Variants in KCNIP4 observed in about 807,000 individuals in gnomAD.
KCNIP4 encodes Kv channel-interacting protein 4.
Under a neutral mutation model 34.0 loss-of-function variants are expected in KCNIP4, and 12 were observed. The ratio of observed to expected loss-of-function variants is 0.35; its 90% CI spans 0.23 to 0.57. KCNIP4 has a LOEUF of 0.57. Ranked by LOEUF, KCNIP4 falls within the 20% of genes least tolerant of loss-of-function variation. The pLI is 0.83. For missense variants in KCNIP4, 238 were observed against 311.7 expected, an observed-to-expected ratio of 0.76 and a Z score of 1.78; for synonymous variants, 124 against 102.2, an observed-to-expected ratio of 1.21 and a Z score of -1.29.
chr4:21,313,253 C>A (rs917966083), intron 1 of KCNIP4, among the ~76,000 whole-genome samples: 1 of 152,136 alleles, frequency 6.6e-6, no homozygotes, highest in Admixed American at 6.5e-5. Context: ...GTTGTGGATA[C>A]ATATTTAGCC....
intron 1 of KCNIP4, among the ~76,000 whole-genome samples, chr4:21,066,750 A>G (rs1577629378): frequency 6.6e-6 from 1 of 152,294 alleles, no homozygotes; most frequent in East Asian, 1.9e-4. Context: ...CATGAGTTTC[A>G]GCAAGCCCTG....
intron 1 of KCNIP4, among the ~76,000 whole-genome samples, chr4:21,285,118 TA>T (rs1414893615): frequency 6.6e-6 from 1 of 152,172 alleles, no homozygotes; most frequent in African/African-American, 2.4e-5. Flanking sequence ...AATTAAATAT[TA>T]ATGCAAACTA....
chr4:21,623,968 G>A (rs968438571), intron 1 of KCNIP4, among the ~76,000 whole-genome samples: 2 of 151,514 alleles, frequency 1.3e-5, no homozygotes, highest in African/African-American at 2.4e-5. Context: ...AAAGCAGGGT[G>A]GGTGATGGTG....
intron 1 of KCNIP4, among the ~76,000 whole-genome samples, chr4:21,678,623 T>C (rs1375254836): frequency 6.6e-6 from 1 of 152,230 alleles, no homozygotes; most frequent in Non-Finnish European, 1.5e-5. Context: ...TTTCTGCTTC[T>C]TGAACACATG....
chr4:20,741,538 C>T (rs4414951), intron 5 of KCNIP4, among the ~76,000 whole-genome samples: 50,018 of 152,040 alleles, frequency 0.33, 8,750 homozygotes, highest in African/African-American at 0.43. Context: ...AAAGACACAA[C>T]GTACCAGAAT....
At chr4:21,326,332 C>T (rs189126957) in intron 1 of KCNIP4, among the ~76,000 whole-genome samples, 1 of 151,198 alleles carries the variant, frequency 6.6e-6, no homozygotes, top group Non-Finnish European at 1.5e-5. Context: ...ATTTGTTATA[C>T]CCCCTTGCTG....
Position 21,726,909 on chromosome 4 carries a change from A to G in KCNIP4, c.61+221662T>C, listed in dbSNP as rs575817474. Among the ~76,000 whole-genome samples, 3 of 152,274 alleles carry G rather than the reference A, an allele frequency of 2.0e-5. No individual in the cohort carries two copies. The South Asian group carries it at 6.2e-4, about 32-fold the overall frequency. ...TCTTTCTGTAGATTTGGGAAAGTAG[A>G]TTCTTCCATTATTATGAGGGGAAAT... is the stretch of plus-strand genomic sequence containing the variant. On this transcript the variant is annotated intron_variant, in intron 1 of 8. Coordinates refer to ENST00000382152, the MANE Select transcript of KCNIP4 (RefSeq NM_025221.6).
At chr4:21,290,942 A>G (rs1560258229) in intron 1 of KCNIP4, among the ~76,000 whole-genome samples, 1 of 152,214 alleles carries the variant, frequency 6.6e-6, no homozygotes, top group Non-Finnish European at 1.5e-5. Flanking sequence ...TTCTTTACAG[A>G]CAATAGTCCA....
intron 1 of KCNIP4, chr4:21,852,570 A>G (rs1452986039): frequency 6.6e-6 from 1 of 152,176 alleles, no homozygotes; most frequent in Non-Finnish European, 1.5e-5. Context: ...TAACACAGTA[A>G]ACATAAGCTT....
intron 1 of KCNIP4, among the ~76,000 whole-genome samples, chr4:21,360,846 T>A (rs1719146059): frequency 6.6e-6 from 1 of 152,100 alleles, no homozygotes; most frequent in South Asian, 2.1e-4. Flanking sequence ...AACAGGACAA[T>A]TATTTTCAAA....
At chr4:20,765,494 T>C (rs137927814) in intron 3 of KCNIP4, among the ~76,000 whole-genome samples, 107 of 152,312 alleles carry the variant, frequency 7.0e-4, no homozygotes, top group Non-Finnish European at 1.4e-3. Context: ...GCAATCTTTT[T>C]CTTTTTAGAA....
intron 1 of KCNIP4, among the ~76,000 whole-genome samples, chr4:21,610,297 T>G (rs1744049502): frequency 6.6e-6 from 1 of 152,238 alleles, no homozygotes; most frequent in Non-Finnish European, 1.5e-5. Context: ...GAATGATCTA[T>G]TCTAGACCTT....
At chr4:21,201,009 C>A (rs1023707338) in intron 1 of KCNIP4, among the ~76,000 whole-genome samples, 6 of 152,062 alleles carry the variant, frequency 3.9e-5, no homozygotes, top group Admixed American at 6.6e-5. Flanking sequence ...TCCAAGGTCA[C>A]CCAGTGAATA....
At chr4:21,900,775 T>C (rs1727661538) in intron 1 of KCNIP4, among the ~76,000 whole-genome samples, 2 of 152,316 alleles carry the variant, frequency 1.3e-5, no homozygotes, top group Admixed American at 6.5e-5. Context: ...GCCATATTTC[T>C]ATTTGATGTG....
At chr4:21,736,870 T>C (rs1301367084) in intron 1 of KCNIP4, among the ~76,000 whole-genome samples, 2 of 152,352 alleles carry the variant, frequency 1.3e-5, no homozygotes, top group East Asian at 3.9e-4. Flanking sequence ...TTTGATTTAC[T>C]AAATATGGTC....
chr4:20,875,853 A>T (rs1329103281), intron 2 of KCNIP4, among the ~76,000 whole-genome samples: 1 of 152,178 alleles, frequency 6.6e-6, no homozygotes, highest in Admixed American at 6.5e-5. Context: ...AGCATCTAAA[A>T]ATTTCTATGA....
Position 21,189,241 on chromosome 4 carries a change from A to G in KCNIP4, c.62-306532T>C, listed in dbSNP as rs562871816. ...TTAATTATTTAATGTGATGCTGAGG[A>G]CCAGGCCTTGACTATTGAGTCTTTT... On this transcript the variant is annotated intron_variant, in intron 1 of 8. Coordinates refer to ENST00000382152, the MANE Select transcript of KCNIP4 (RefSeq NM_025221.6). Among the ~76,000 whole-genome samples the G allele has an allele frequency of 1.2e-3, 183 of 152,302 alleles. 2 individuals are homozygous for G. Among genetic ancestry groups the G allele is most frequent in the African/African-American group, 4.0e-3 (168 of 41,558 alleles).
intron 1 of KCNIP4, among the ~76,000 whole-genome samples, chr4:21,712,806 G>A (rs1172206965): frequency 1.3e-5 from 2 of 152,116 alleles, no homozygotes; most frequent in Non-Finnish European, 2.9e-5. Flanking sequence ...GGTCATAGCA[G>A]CCATTAGTCA....
intron 1 of KCNIP4, among the ~76,000 whole-genome samples, chr4:20,937,988 A>T (rs1577397188): frequency 6.6e-6 from 1 of 152,294 alleles, no homozygotes. Context: ...AGATTCTAGA[A>T]TAGGTGACTC....
Sources: gnomAD v4.1 joint callset for allele counts (sites outside exome capture counted in the v4.1 genomes callset) on GRCh38, gnomAD v4.1.1 for gene constraint, MANE v1.5 for transcripts, NCBI Gene and HGNC (gene_info 2026-07-23, HGNC 2026-07-21) for gene names.